ANTXR1: variants seen among roughly 807,000 people sequenced by gnomAD.
ANTXR1 encodes the protein ANTXR cell adhesion molecule 1.
ANTXR1 carries 19 observed loss-of-function variants against 78.1 expected under a neutral mutation model. The ratio of observed to expected loss-of-function variants is 0.24; its 90% confidence interval spans 0.17 to 0.36. The LOEUF (loss-of-function observed/expected upper bound fraction) is 0.36, where lower values mean the gene tolerates loss of function less well. ANTXR1 is among the 10% of genes least tolerant of loss of function. The pLI is 1.00. For synonymous variants in ANTXR1, 273 were observed against 260.5 expected (o/e 1.05, Z -0.46); for missense variants, 518 against 718.6 (o/e 0.72, Z 3.19).
At position 69,181,508 on chromosome 2, in the gene ANTXR1, C is replaced by G. The variant is rs141374630; in HGVS notation, c.1090-278C>G. ...ATTAGCATGTAGGTGGGGTTAGATG[C>G]GATTCCCACAAAGGAGTAGAGCTGT... On this transcript the variant is annotated intron_variant, in intron 14 of 17. Transcript: ENST00000303714. 2.9e-3 allele frequency among the ~76,000 whole-genome samples: 442 copies of G among 152,238 alleles called. 2 individuals are homozygous for G. The highest frequency in any genetic ancestry group is 0.01 in the African/African-American group (425 of 41,540).
intron 17 of ANTXR1, among the ~76,000 whole-genome samples, chr2:69,215,445 T>G (rs527420403): frequency 1.3e-5 from 2 of 152,200 alleles, no homozygotes; most frequent in Non-Finnish European, 2.9e-5. Flanking sequence ...AAAACTTCCA[T>G]TTTAACATTC....
rs757843540 is a variant in ANTXR1 at position 69,245,385 on chromosome 2, C to T, written c.1595C>T (p.Pro532Leu). 1 of 1,523,192 alleles carries T rather than the reference C, an allele frequency of 6.6e-7. No individual in the cohort carries two copies. The highest frequency in any genetic ancestry group is 2.4e-5 in the East Asian group (1 of 41,634). The allele number at this position is 1,523,192 out of a possible 1,614,324, so 94.4% of individuals were successfully genotyped here. The change falls in exon 18 of 18, where the codon CCC (proline) becomes CTC (leucine). Residue 532 changes from proline to leucine, a missense_variant. Coordinates refer to ENST00000303714, the MANE Select transcript of ANTXR1 (RefSeq NM_032208.3). ...CCGCCCCCCAGCGCCCCTACCCCTC[C>T]CATCCCGTCCCCACCTTCCACCCTT... is the stretch of plus-strand genomic sequence containing the variant. ...PPPPPSAPTP[P>L]IPSPPSTLPP...
chr2:69,227,120 G>A (rs766219537), intron 17 of ANTXR1, among the ~76,000 whole-genome samples: 23 of 152,190 alleles, frequency 1.5e-4, no homozygotes, highest in Non-Finnish European at 2.4e-4. Flanking sequence ...TTTGAGGTTG[G>A]ATAACTTCAT....
chr2:69,159,666 T>C (rs1348782419), intron 13 of ANTXR1, among the ~76,000 whole-genome samples: 1 of 152,178 alleles, frequency 6.6e-6, no homozygotes. Flanking sequence ...TTTCAGTATT[T>C]TGGGAGAGGC....
chr2:69,157,829 TAA>T (rs1193951263), intron 13 of ANTXR1, among the ~76,000 whole-genome samples: 1 of 152,192 alleles, frequency 6.6e-6, no homozygotes, highest in Non-Finnish European at 1.5e-5. Flanking sequence ...TCACCTTCAT[TAA>T]AGAGACTTTT....
At chr2:69,057,554 A>G (rs1262827623) in intron 3 of ANTXR1, among the ~76,000 whole-genome samples, 1 of 152,204 alleles carries the variant, frequency 6.6e-6, no homozygotes, top group East Asian at 1.9e-4. Context: ...CATGTAAGAC[A>G]GCAAACTTAA....
At chr2:69,151,774 A>G (rs975066947) in intron 12 of ANTXR1, among the ~76,000 whole-genome samples, 1 of 152,124 alleles carries the variant, frequency 6.6e-6, no homozygotes, top group Non-Finnish European at 1.5e-5. Flanking sequence ...TCAGAGTACA[A>G]TGGTCCTGAG....
chr2:69,133,498 T>C (rs960330116), intron 12 of ANTXR1, among the ~76,000 whole-genome samples: 3 of 152,152 alleles, frequency 2.0e-5, no homozygotes, highest in African/African-American at 7.2e-5. Flanking sequence ...AATGACAGAA[T>C]ATGGAGTTTG....
At chr2:69,161,923 G>C (rs914742734) in intron 13 of ANTXR1, among the ~76,000 whole-genome samples, 2 of 152,090 alleles carry the variant, frequency 1.3e-5, no homozygotes, top group African/African-American at 4.8e-5. Flanking sequence ...AGGACATACA[G>C]TGCTTTAAAT....
At chr2:69,124,452 C>G (rs1182215914) in intron 11 of ANTXR1, 113 bp from the exon 12 acceptor site, 86 of 921,674 alleles carry the variant, frequency 9.3e-5, no homozygotes, top group Non-Finnish European at 1.5e-4. Context: ...GAAGAGACTC[C>G]AGTCTCAAGG....
At chr2:69,177,058 C>A (rs920371755) in intron 14 of ANTXR1, among the ~76,000 whole-genome samples, 5 of 152,330 alleles carry the variant, frequency 3.3e-5, no homozygotes, top group Admixed American at 6.5e-5. Flanking sequence ...GAGGCAGTCC[C>A]AGAATCTGGA....
At chr2:69,015,662 A>G (rs1179750507) in intron 1 of ANTXR1, among the ~76,000 whole-genome samples, 2 of 152,158 alleles carry the variant, frequency 1.3e-5, no homozygotes, top group Non-Finnish European at 2.9e-5. Context: ...GATAATTTAG[A>G]TGAATATTAC....
At chr2:69,241,759 C>CT (rs1675899405) in intron 17 of ANTXR1, among the ~76,000 whole-genome samples, 1 of 152,194 alleles carries the variant, frequency 6.6e-6, no homozygotes, top group African/African-American at 2.4e-5. Flanking sequence ...CCACCTCCAA[C>CT]TGGCCTTTCC....
intron 17 of ANTXR1, among the ~76,000 whole-genome samples, chr2:69,196,479 T>A (rs1461544740): frequency 1.3e-5 from 2 of 152,194 alleles, no homozygotes; most frequent in African/African-American, 4.8e-5. Flanking sequence ...CCAGAATTCA[T>A]AGCTGCCTAT....
At chr2:69,040,239 G>A (rs1669574290) in intron 2 of ANTXR1, 124 bp downstream of exon 2, 1 of 793,808 alleles carries the variant, frequency 1.3e-6, no homozygotes, top group Non-Finnish European at 2.1e-6. Context: ...TGGGCTCTCA[G>A]ATCTCGGACC....
chr2:69,079,029 A>C (rs1431883539), intron 8 of ANTXR1, among the ~76,000 whole-genome samples: 1 of 152,170 alleles, frequency 6.6e-6, no homozygotes, highest in Non-Finnish European at 1.5e-5. Flanking sequence ...AGAATTGCAA[A>C]AATTCATCCC....
At chr2:69,229,351 G>A (rs551753347) in intron 17 of ANTXR1, among the ~76,000 whole-genome samples, 13 of 152,290 alleles carry the variant, frequency 8.5e-5, no homozygotes, top group East Asian at 5.8e-4. Flanking sequence ...GGCATTCCTC[G>A]ATTGGTGCAA....
chr2:69,087,752 A>G (rs544195718), intron 8 of ANTXR1, among the ~76,000 whole-genome samples: 1 of 152,178 alleles, frequency 6.6e-6, no homozygotes, highest in South Asian at 2.1e-4. Context: ...CACCTCTGCC[A>G]TGGCTACCAC....
intron 8 of ANTXR1, among the ~76,000 whole-genome samples, chr2:69,086,373 C>G (rs1382166723): frequency 6.6e-6 from 1 of 152,204 alleles, no homozygotes; most frequent in Non-Finnish European, 1.5e-5. Context: ...CAGTGGATTT[C>G]ACTTTAAATA....
Sources: allele counts gnomAD v4.1 joint callset (sites outside exome capture counted in the v4.1 genomes callset), GRCh38; gene constraint gnomAD v4.1.1; transcripts MANE v1.5; gene names NCBI Gene and HGNC (gene_info 2026-07-23, HGNC 2026-07-21).